The following CREB1 variants were observed in gnomAD, a reference collection of about 807,000 sequenced individuals.
The protein encoded by CREB1 is cAMP responsive element binding protein 1.
A neutral mutation model predicts 42.0 loss-of-function variants in CREB1; 2 were observed. The observed-to-expected ratio is 0.05, with a 90% CI of 0.02 to 0.15. The LOEUF is 0.15. Among genes scored for constraint, CREB1 ranks in the 10% least tolerant of loss-of-function variants. CREB1 has a pLI of 1.00. For synonymous variants in CREB1, 123 were observed against 139.9 expected, an observed-to-expected ratio of 0.88 and a Z score of 0.85; for missense variants, 199 against 388.9, an observed-to-expected ratio of 0.51 and a Z score of 4.11.
intron 7 of CREB1, among the ~76,000 whole-genome samples, chr2:207,591,646 T>A (rs1278984574): frequency 1.3e-5 from 2 of 152,170 alleles, no homozygotes; most frequent in African/African-American, 4.8e-5. Flanking sequence ...TTGGCCAGGC[T>A]GGTCTCAAAC....
intron 7 of CREB1, among the ~76,000 whole-genome samples, chr2:207,587,887 A>G (rs2084181792): frequency 6.6e-6 from 1 of 152,212 alleles, no homozygotes; most frequent in African/African-American, 2.4e-5. Context: ...CTGTAGCACC[A>G]TAGGGTGAAT....
intron 1 of CREB1, among the ~76,000 whole-genome samples, chr2:207,546,373 A>G (rs2081301919): frequency 1.3e-5 from 2 of 152,230 alleles, no homozygotes; most frequent in Admixed American, 6.5e-5. Flanking sequence ...GACACATATC[A>G]TTACGCATTT....
rs1167107115 is a variant in CREB1, at chr2:207,575,421, A to T, written c.655A>T (p.Ile219Phe). The change falls in exon 6 of 8, where the codon ATC (isoleucine) becomes TTC (phenylalanine). Residue 219 changes from isoleucine (I) to phenylalanine (F), a missense_variant. Around this residue, in one of 4 missense-constraint regions of CREB1, gnomAD observed 66 missense variants for 88.1 expected, o/e 0.75. Transcript: ENST00000353267. ...TGCACAGACCACTGATGGACAGCAG[A>T]TCTTAGTGCCCAGCAACCAAGTTGT... ...QYAQTTDGQQILVPSNQVVVQ... is the reference protein window; with the variant it reads ...QYAQTTDGQQFLVPSNQVVVQ... 12 of 1,612,836 alleles carry T rather than the reference A, an allele frequency of 7.4e-6. No homozygotes were observed. The highest frequency in any genetic ancestry group is 9.3e-6 in the Non-Finnish European group (11 of 1,179,196).
At chr2:207,569,155 A>G (rs1353694781) in intron 4 of CREB1, among the ~76,000 whole-genome samples, 1 of 151,674 alleles carries the variant, frequency 6.6e-6, no homozygotes, top group Admixed American at 6.6e-5. Context: ...TGTTTCCAGT[A>G]TTTTTTTTCC....
At chr2:207,547,709 C>T (rs1574794366) in intron 1 of CREB1, among the ~76,000 whole-genome samples, 1 of 151,816 alleles carries the variant, frequency 6.6e-6, no homozygotes, top group Non-Finnish European at 1.5e-5. Flanking sequence ...GCAACACTGT[C>T]TCTTGGTGGT....
intron 1 of CREB1, among the ~76,000 whole-genome samples, chr2:207,547,601 A>G (rs943692955): frequency 2.6e-5 from 4 of 152,100 alleles, no homozygotes; most frequent in Non-Finnish European, 5.9e-5. Context: ...GCTGTGAAAC[A>G]CCCATTAAGT....
At chr2:207,582,792 C>T in intron 7 of CREB1, 1 of 278,572 alleles carries the variant, frequency 3.6e-6, no homozygotes, top group South Asian at 3.0e-5. Context: ...ACTCAGGCGG[C>T]TGAGGCAGAA....
chr2:207,568,915 T>C lies in CREB1; in HGVS notation c.363-1264T>C, dbSNP rs1366353522. Among the ~76,000 whole-genome samples, 45 of 152,166 alleles carry C rather than the reference T, an allele frequency of 3.0e-4. 1 individual carries two copies. Among genetic ancestry groups the C allele is most frequent in the Admixed American group, 2.9e-3 (45 of 15,274 alleles). ...TGCACAAAAAAAGTATACTCAGTAG[T>C]GCCTCCCCATTCCTTCTGTCGTTTT... On this transcript the variant is annotated intron_variant, in intron 4 of 7. Transcript: ENST00000353267.
chr2:207,568,328 G>T (rs2082219044), intron 4 of CREB1, among the ~76,000 whole-genome samples: 1 of 151,930 alleles, frequency 6.6e-6, no homozygotes, highest in African/African-American at 2.4e-5. Context: ...GCAATAAATA[G>T]ATTTTGAGGT....
At position 207,577,290 on chromosome 2, in the gene CREB1, C is replaced by T. The variant is rs1351587451; in HGVS notation, c.689-215C>T. ...ATGAAAAATAAAATGTAAGATCCAG[C>T]GGACATAGGTTACTGTAATAAATAC... On this transcript the variant is annotated intron_variant, in intron 6 of 7. Transcript: ENST00000353267. The T allele has an allele frequency of 1.4e-5, 14 of 1,031,932 alleles. No homozygotes were observed. In the South Asian group the frequency reaches 1.7e-4, roughly 12 times the overall value. 63.9% of individuals were successfully genotyped at this position (1,031,932 alleles called of 1,614,324 possible).
Position 207,597,152 on chromosome 2 carries a change from T to A in CREB1, c.*94T>A. ...ATAAACATTTTATTTTCTAAACATT[T>A]CTTTTTTTCTATGCGCAAAACTGCC... is the stretch of plus-strand genomic sequence containing the variant. On this transcript the variant is annotated 3_prime_UTR_variant, in exon 8 of 8. Coordinates refer to ENST00000353267, the MANE Select transcript of CREB1 (RefSeq NM_004379.5). The A allele has an allele frequency of 7.3e-7, 1 of 1,376,442 alleles. No individual in the cohort carries two copies. Among genetic ancestry groups the A allele is most frequent in the Non-Finnish European group, 9.7e-7 (1 of 1,033,800 alleles). 85.3% of individuals were successfully genotyped at this position (1,376,442 alleles called of 1,614,324 possible). A position where few individuals can be genotyped will look rare whatever the true frequency, so the allele number is the denominator to read the frequency against.
chr2:207,540,350 T>A lies in CREB1; in HGVS notation c.-9+10216T>A, dbSNP rs74342263. Among the ~76,000 whole-genome samples the A allele has an allele frequency of 8.0e-3, 1,218 of 151,958 alleles. 14 individuals are homozygous for A. Among genetic ancestry groups the A allele is most frequent in the Non-Finnish European group, 0.012 (811 of 67,864 alleles). Reference sequence around the variant, plus strand: ...GTGAATGTCTTTTTAACAAAAAATTTTAAAAAGTGGCCGGGAATGGTGGCT... The same window carrying A: ...GTGAATGTCTTTTTAACAAAAAATTATAAAAAGTGGCCGGGAATGGTGGCT... On this transcript the variant is annotated intron_variant, in intron 1 of 7. Coordinates refer to ENST00000353267, the MANE Select transcript of CREB1 (RefSeq NM_004379.5).
chr2:207,587,318 G>A (rs1362880449), intron 7 of CREB1, among the ~76,000 whole-genome samples: 5 of 151,614 alleles, frequency 3.3e-5, no homozygotes, highest in South Asian at 2.1e-4. Context: ...GCGTGAACCC[G>A]GAAGGCAGAG....
At chr2:207,553,606 G>A (rs1046814820) in intron 1 of CREB1, among the ~76,000 whole-genome samples, 5 of 152,076 alleles carry the variant, frequency 3.3e-5, no homozygotes, top group Non-Finnish European at 5.9e-5. Flanking sequence ...AAAGTATCTG[G>A]TGTTTAAAAA....
chr2:207,532,669 C>CA (rs112234348), intron 1 of CREB1, among the ~76,000 whole-genome samples: 3,485 of 140,792 alleles, frequency 0.025, 51 homozygotes, highest in African/African-American at 0.031. Flanking sequence ...GACCCCATCT[C>CA]AAAAAAAAAA....
rs1434057998 is a variant in CREB1, at chr2:207,540,900, T to A, written c.-9+10766T>A. ...TAAGCTACGGTTAATGTATTACTGA[T>A]GAAAGAAAATTTTGTTTATATAAAT... On this transcript the variant is annotated intron_variant, in intron 1 of 7. Coordinates refer to ENST00000353267, the MANE Select transcript of CREB1 (RefSeq NM_004379.5). 2.0e-5 allele frequency among the ~76,000 whole-genome samples: 3 copies of A among 152,190 alleles called. No individual in the cohort carries two copies. The East Asian group carries it at 5.8e-4, about 29-fold the overall frequency.
chr2:207,578,334 A>G (rs1456620643), intron 7 of CREB1, among the ~76,000 whole-genome samples: 1 of 152,230 alleles, frequency 6.6e-6, no homozygotes, highest in Non-Finnish European at 1.5e-5. Flanking sequence ...TAGAACTTTC[A>G]TATAGAAGTG....
At chr2:207,577,186 A>T (rs2082629696) in intron 6 of CREB1, 1 of 1,087,318 alleles carries the variant, frequency 9.2e-7, no homozygotes, top group African/African-American at 1.7e-5. Flanking sequence ...ATCTAGGAAG[A>T]TCATCCAAGC....
intron 7 of CREB1, among the ~76,000 whole-genome samples, 187 bp from the exon 8 acceptor site, chr2:207,596,727 C>T (rs369296318): frequency 3.9e-5 from 6 of 152,188 alleles, no homozygotes; most frequent in African/African-American, 1.4e-4. Context: ...GCCGCCACGC[C>T]TGGCCAGATT....
Sources: allele counts gnomAD v4.1 joint callset (sites outside exome capture counted in the v4.1 genomes callset), GRCh38; gene constraint gnomAD v4.1.1; regional missense constraint gnomAD v4.1.1; transcripts MANE v1.5; gene names NCBI Gene and HGNC (gene_info 2026-07-23, HGNC 2026-07-21).